Variants in IQGAP2 observed in about 807,000 individuals in gnomAD.
The protein encoded by IQGAP2 is IQ motif containing GTPase activating protein 2, also known as ras GTPase-activating-like protein IQGAP2.
IQGAP2 carries 173 observed loss-of-function variants against 201.3 expected under a neutral mutation model. The observed-to-expected ratio is 0.86, with a 90% CI of 0.76 to 0.98. The LOEUF (loss-of-function observed/expected upper bound fraction) is 0.98, where lower values mean the gene tolerates loss of function less well. Among genes scored for constraint, IQGAP2 ranks in the 50% least tolerant of loss-of-function variants. The pLI is 0.00. For synonymous variants in IQGAP2, 675 were observed against 673.9 expected, an observed-to-expected ratio of 1.00 and a Z score of -0.03; for missense variants, 1,687 against 1,864.8, an observed-to-expected ratio of 0.90 and a Z score of 1.76.
At chr5:76,411,722 C>A (rs546278870) in intron 1 of IQGAP2, among the ~76,000 whole-genome samples, 13 of 152,310 alleles carry the variant, frequency 8.5e-5, no homozygotes, top group Admixed American at 5.2e-4. Flanking sequence ...TGTGCGGAAA[C>A]AAATTTCTGT....
At chr5:76,422,106 G>A (rs1333101493) in intron 1 of IQGAP2, among the ~76,000 whole-genome samples, 1 of 152,162 alleles carries the variant, frequency 6.6e-6, no homozygotes, top group Non-Finnish European at 1.5e-5. Flanking sequence ...TTTTAAATGA[G>A]TTATTACTCT....
chr5:76,650,458 A>T (rs115786941), intron 17 of IQGAP2, among the ~76,000 whole-genome samples: 1 of 152,336 alleles, frequency 6.6e-6, no homozygotes, highest in African/African-American at 2.4e-5. Context: ...GATTGTTTGC[A>T]TAGAAATATA....
chr5:76,519,265 A>G (rs185931501), intron 2 of IQGAP2, among the ~76,000 whole-genome samples: 40 of 152,308 alleles, frequency 2.6e-4, no homozygotes, highest in African/African-American at 8.9e-4. Flanking sequence ...CTACTGATCT[A>G]TGGTTTTACT....
At chr5:76,547,944 G>A (rs1376161924) in intron 2 of IQGAP2, among the ~76,000 whole-genome samples, 1 of 152,196 alleles carries the variant, frequency 6.6e-6, no homozygotes, top group African/African-American at 2.4e-5. Context: ...TCAGATCAGT[G>A]TAGCCACGCT....
intron 1 of IQGAP2, among the ~76,000 whole-genome samples, chr5:76,412,579 CA>C (rs1273353513): frequency 6.6e-6 from 1 of 152,138 alleles, no homozygotes; most frequent in Non-Finnish European, 1.5e-5. Flanking sequence ...ACTTGATTTG[CA>C]TATAATTGAA....
chr5:76,564,374 T>A (rs1744591978), intron 3 of IQGAP2, among the ~76,000 whole-genome samples: 1 of 152,178 alleles, frequency 6.6e-6, no homozygotes, highest in African/African-American at 2.4e-5. Flanking sequence ...AGTTAAAGCG[T>A]AGTTGGGGTA....
chr5:76,597,153 G>A (rs1446051093), intron 9 of IQGAP2: 2 of 370,548 alleles, frequency 5.4e-6, no homozygotes, highest in Non-Finnish European at 9.9e-6. Flanking sequence ...GACCAGAGCT[G>A]GTCCTATAAG....
chr5:76,426,456 G>C (rs574334953), intron 1 of IQGAP2, among the ~76,000 whole-genome samples: 2 of 152,306 alleles, frequency 1.3e-5, no homozygotes, highest in East Asian at 3.9e-4. Flanking sequence ...CCAAACAGTT[G>C]GAGAGGATGC....
intron 9 of IQGAP2, among the ~76,000 whole-genome samples, chr5:76,595,087 A>G (rs1487511836): frequency 1.3e-5 from 2 of 152,156 alleles, no homozygotes; most frequent in Non-Finnish European, 2.9e-5. Flanking sequence ...TAATAGCATC[A>G]GTGACAATGT....
chr5:76,421,272 G>A (rs569525986), intron 1 of IQGAP2, among the ~76,000 whole-genome samples: 34 of 152,224 alleles, frequency 2.2e-4, no homozygotes, highest in African/African-American at 7.7e-4. Context: ...GAGGTCATGT[G>A]TAAATTCATC....
chr5:76,635,820 C>A (rs1478924315), intron 15 of IQGAP2, among the ~76,000 whole-genome samples: 1 of 151,216 alleles, frequency 6.6e-6, no homozygotes, highest in African/African-American at 2.4e-5. Context: ...CAGAGTGAGA[C>A]CCTGTCTCAA....
At chr5:76,494,754 CAT>C (rs1756782450) in intron 2 of IQGAP2, among the ~76,000 whole-genome samples, 1 of 152,148 alleles carries the variant, frequency 6.6e-6, no homozygotes, top group African/African-American at 2.4e-5. Flanking sequence ...TTGACATACA[CAT>C]ATACACTCAA....
intron 22 of IQGAP2, among the ~76,000 whole-genome samples, chr5:76,667,369 G>A (rs1462196883): frequency 6.6e-6 from 1 of 152,146 alleles, no homozygotes; most frequent in African/African-American, 2.4e-5. Context: ...TGCCCAAACT[G>A]CTTGAGTATA....
intron 2 of IQGAP2, among the ~76,000 whole-genome samples, chr5:76,468,003 G>A (rs1303105868): frequency 3.3e-5 from 5 of 151,954 alleles, no homozygotes; most frequent in Non-Finnish European, 7.4e-5. Context: ...TTTCTTTTTG[G>A]GCTGATAAAA....
At chr5:76,535,344 G>A (rs1467867454) in intron 2 of IQGAP2, among the ~76,000 whole-genome samples, 3 of 152,128 alleles carry the variant, frequency 2.0e-5, no homozygotes, top group African/African-American at 2.4e-5. Context: ...ATGAACATCT[G>A]TTGTTTAGAG....
At chr5:76,627,780 T>G (rs1347793285) in intron 14 of IQGAP2, among the ~76,000 whole-genome samples, 1 of 152,230 alleles carries the variant, frequency 6.6e-6, no homozygotes, top group Non-Finnish European at 1.5e-5. Flanking sequence ...TTCTCTTGAT[T>G]TTTAGAGAAC....
Position 76,588,931 on chromosome 5 carries a change from G to A in IQGAP2, c.484G>A (p.Ala162Thr), listed in dbSNP as rs1208809512. 2.5e-6 allele frequency: 4 copies of A among 1,608,266 alleles called. No homozygotes were observed. The highest frequency in any genetic ancestry group is 3.4e-6 in the Non-Finnish European group (4 of 1,175,546). Residue 162 changes from alanine to threonine, a missense_variant, in exon 6 of 36, where the codon GCA becomes ACA. Ala to Thr is a moderately conservative substitution (Grantham distance 58). Transcript: ENST00000274364. ...TTTGTATCTGTTCAAACTAGGAATA[G>A]CACCCCAGATCCAGGATTTGTTGGG... ...LSLYLFKLGI[A>T]PQIQDLLGKV...
chr5:76,523,266 A>T (rs564516678), intron 2 of IQGAP2, among the ~76,000 whole-genome samples: 32 of 151,582 alleles, frequency 2.1e-4, no homozygotes, highest in East Asian at 1.2e-3. Flanking sequence ...AAAAAAAAAA[A>T]TTTTGTAAGG....
At chr5:76,682,511 C>T (rs1348760125) in intron 28 of IQGAP2, among the ~76,000 whole-genome samples, 1 of 151,478 alleles carries the variant, frequency 6.6e-6, no homozygotes, top group Non-Finnish European at 1.5e-5. Flanking sequence ...CCCCCGAGTG[C>T]TGCTACCCCT....
Sources: gnomAD v4.1 joint callset for allele counts (sites outside exome capture counted in the v4.1 genomes callset) on GRCh38, gnomAD v4.1.1 for gene constraint, MANE v1.5 for transcripts, NCBI Gene and HGNC (gene_info 2026-07-23, HGNC 2026-07-21) for gene names.